Variants in WDR19 observed in about 807,000 individuals in gnomAD.
WDR19 encodes WD repeat domain 19, also known as WD repeat-containing protein 19.
WDR19 carries 121 observed loss-of-function variants against 180.0 expected under a neutral mutation model. That is an observed-to-expected ratio of 0.67 (90% CI 0.58 to 0.78). The LOEUF (loss-of-function observed/expected upper bound fraction) is 0.78. WDR19 is among the 30% of genes least tolerant of loss of function. The pLI is 0.00. For synonymous variants in WDR19, 497 were observed against 540.7 expected (o/e 0.92, Z 1.12); for missense variants, 1,450 against 1,640.7 (o/e 0.88, Z 2.01).
intron 26 of WDR19, among the ~76,000 whole-genome samples, chr4:39,255,122 T>C (rs1443727880): frequency 2.6e-5 from 4 of 152,222 alleles, no homozygotes; most frequent in Non-Finnish European, 5.9e-5. Context: ...TGCCAATGTT[T>C]AACTTGACAG....
Position 39,217,120 on chromosome 4 carries a change from A to G in WDR19, c.1250-14A>G. On this transcript the variant is annotated splice_polypyrimidine_tract_variant and intron_variant, in intron 12 of 36. Transcript: ENST00000399820. Reference sequence around the variant, plus strand: ...CCAACATTTTAATGTGTTGGTTTTTAAAAATTGCTACAGCTGTGAAAAAAT... The same window carrying G: ...CCAACATTTTAATGTGTTGGTTTTTGAAAATTGCTACAGCTGTGAAAAAAT... 6.4e-7 allele frequency: 1 copy of G among 1,574,536 alleles called. No individual in the cohort carries two copies. Among genetic ancestry groups the G allele is most frequent in the Non-Finnish European group, 8.7e-7 (1 of 1,155,508 alleles).
In WDR19 at chr4:39,221,460, T is replaced by G. The variant is rs76643880; in HGVS notation, c.1479+3355T>G. On this transcript the variant is annotated intron_variant, in intron 14 of 36. Transcript: ENST00000399820. ...TTCTTGAGTGATTCAGAAAATATCA[T>G]GTTTTTTGGCAGCTTTATTGAAGTT... Among the ~76,000 whole-genome samples, 1,274 of 152,364 alleles carry G rather than the reference T, an allele frequency of 8.4e-3. 14 individuals are homozygous for G. The highest frequency in any genetic ancestry group is 0.013 in the Non-Finnish European group (916 of 68,024).
intron 31 of WDR19, among the ~76,000 whole-genome samples, chr4:39,271,026 C>G (rs1735312262): frequency 6.6e-6 from 1 of 151,934 alleles, no homozygotes; most frequent in African/African-American, 2.4e-5. Context: ...TCCTGAGTAG[C>G]TGGGATTACA....
At chr4:39,271,705 A>T (rs545688417) in intron 31 of WDR19, among the ~76,000 whole-genome samples, 12 of 152,346 alleles carry the variant, frequency 7.9e-5, no homozygotes, top group African/African-American at 2.9e-4. Context: ...GTCGCAGTAC[A>T]TCTTTCCGTA....
chr4:39,219,753 A>G (rs1161452307), intron 14 of WDR19, among the ~76,000 whole-genome samples: 2 of 152,196 alleles, frequency 1.3e-5, no homozygotes, highest in Non-Finnish European at 2.9e-5. Flanking sequence ...TGGTCCTTTG[A>G]ACCATGGGTA....
rs1730066509 is a variant in WDR19 at position 39,224,748 on chromosome 4, T to C, written c.1480-136T>C. On this transcript the variant is annotated intron_variant, in intron 14 of 36. Transcript: ENST00000399820. ...CTGTACCTTTCACATATACTAAATA[T>C]TATTCTTAGATACTTCATCAAAAAC... The C allele has an allele frequency of 2.1e-5, 17 of 792,614 alleles. No homozygotes were observed. In the East Asian group the frequency reaches 4.9e-4, roughly 23 times the overall value. The allele number at this position is 792,614 out of a possible 1,614,324, so 49.1% of individuals were successfully genotyped here.
intron 6 of WDR19, among the ~76,000 whole-genome samples, chr4:39,201,035 TA>T (rs1727315321): frequency 6.6e-6 from 1 of 152,012 alleles, no homozygotes; most frequent in South Asian, 2.1e-4. Context: ...CAGAGAGTCC[TA>T]AAACTTCAGG....
At chr4:39,248,583 T>C (rs909643299) in intron 24 of WDR19, among the ~76,000 whole-genome samples, 1 of 152,096 alleles carries the variant, frequency 6.6e-6, no homozygotes, top group Admixed American at 6.6e-5. Context: ...TCAAGACCCA[T>C]CAGTGTGCTA....
chr4:39,246,713 A>C (rs1428510505), intron 24 of WDR19, among the ~76,000 whole-genome samples: 1 of 152,204 alleles, frequency 6.6e-6, no homozygotes, highest in Non-Finnish European at 1.5e-5. Flanking sequence ...TATATCCTGC[A>C]CCTGACTCAG....
In WDR19 at chr4:39,203,627, T is replaced by A; in HGVS notation, c.523-15T>A. 1 of 1,605,054 alleles carries A rather than the reference T, an allele frequency of 6.2e-7. No homozygotes were observed. Among genetic ancestry groups the A allele is most frequent in the Non-Finnish European group, 8.5e-7 (1 of 1,174,760 alleles). Reference sequence around the variant, plus strand: ...ATTGGGTTTGTTCATAGTGATGATGTTTTTACTCCTTTAGACACAAGTGAG... The same window carrying A: ...ATTGGGTTTGTTCATAGTGATGATGATTTTACTCCTTTAGACACAAGTGAG... On this transcript the variant is annotated splice_polypyrimidine_tract_variant and intron_variant, in intron 6 of 36. Coordinates refer to ENST00000399820, the MANE Select transcript of WDR19 (RefSeq NM_025132.4).
At chr4:39,205,471 A>G (rs1025641021) in intron 8 of WDR19, 92 bp from the exon 9 acceptor site, 31 of 1,390,728 alleles carry the variant, frequency 2.2e-5, no homozygotes, top group Non-Finnish European at 2.9e-5. Flanking sequence ...TATATTCTAT[A>G]ATTCCTTAAT....
intron 5 of WDR19, among the ~76,000 whole-genome samples, chr4:39,196,032 A>G (rs1726712199): frequency 6.6e-6 from 1 of 152,194 alleles, no homozygotes; most frequent in Non-Finnish European, 1.5e-5. Context: ...AGGAGGAGGA[A>G]GAAGAGATTT....
intron 4 of WDR19, among the ~76,000 whole-genome samples, chr4:39,193,567 C>T (rs1318334490): frequency 2.0e-5 from 3 of 152,112 alleles, no homozygotes; most frequent in African/African-American, 7.2e-5. Flanking sequence ...CATGATTTTA[C>T]GACCTTTCAC....
chr4:39,268,722 T>C (rs556669874), intron 30 of WDR19, among the ~76,000 whole-genome samples: 25 of 152,206 alleles, frequency 1.6e-4, no homozygotes, highest in Non-Finnish European at 3.1e-4. Context: ...CAACACCTTC[T>C]TCCTGTCAGA....
At chr4:39,199,301 T>G (rs1727124374) in intron 5 of WDR19, among the ~76,000 whole-genome samples, 177 bp from the exon 6 acceptor site, 2 of 152,248 alleles carry the variant, frequency 1.3e-5, no homozygotes, top group African/African-American at 4.8e-5. Context: ...TGCCTTTATA[T>G]GCCATTATTT....
intron 21 of WDR19, among the ~76,000 whole-genome samples, chr4:39,242,312 AG>A (rs1732044428): frequency 6.6e-6 from 1 of 152,118 alleles, no homozygotes; most frequent in South Asian, 2.1e-4. Flanking sequence ...GCTGGAATGT[AG>A]TGGCATAATC....
chr4:39,281,228 T>TAGAG lies in WDR19; in HGVS notation c.*13+2566_*13+2567insGAGA, dbSNP rs1437561762. On this transcript the variant is annotated intron_variant, in intron 36 of 36. Coordinates refer to ENST00000399820, the MANE Select transcript of WDR19 (RefSeq NM_025132.4). ...ATATGTGTGTGTGTATATATATATATATATATATAGAGAGAGAGAGAGAGA... is the reference window on the plus strand; with the variant it reads ...ATATGTGTGTGTGTATATATATATATAGAGATATATATAGAGAGAGAGAGAGAGA... 4.6e-4 allele frequency among the ~76,000 whole-genome samples: 45 copies of TAGAG among 98,782 alleles called. 1 individual carries two copies. Among genetic ancestry groups the TAGAG allele is most frequent in the African/African-American group, 2.3e-3 (42 of 18,474 alleles). 64.8% of individuals were successfully genotyped at this position (98,782 alleles called of 152,430 possible).
intron 7 of WDR19, among the ~76,000 whole-genome samples, chr4:39,204,794 C>T (rs1727775826): frequency 6.6e-6 from 1 of 152,132 alleles, no homozygotes; most frequent in Non-Finnish European, 1.5e-5. Flanking sequence ...AGAACAGCCT[C>T]TTAGAGTGGA....
chr4:39,248,314 TCAC>T (rs1461940273), intron 24 of WDR19, among the ~76,000 whole-genome samples: 1 of 152,180 alleles, frequency 6.6e-6, no homozygotes, highest in African/African-American at 2.4e-5. Flanking sequence ...AGAGATGTTG[TCAC>T]CACCAGGCCT....
Sources: gnomAD v4.1 joint callset for allele counts (sites outside exome capture counted in the v4.1 genomes callset) on GRCh38, gnomAD v4.1.1 for gene constraint, MANE v1.5 for transcripts, NCBI Gene and HGNC (gene_info 2026-07-23, HGNC 2026-07-21) for gene names.